Variants in PCDHGB1 observed in about 807,000 individuals in gnomAD.
The protein encoded by PCDHGB1 is protocadherin gamma subfamily B, 1.
In PCDHGB1, 34 loss-of-function variants were observed where a neutral mutation model predicts 56.6. The ratio of observed to expected loss-of-function variants is 0.60; its 90% CI spans 0.46 to 0.80. The LOEUF is 0.80. Among genes scored for constraint, PCDHGB1 ranks in the 30% least tolerant of loss-of-function variants. The pLI, the probability that PCDHGB1 is intolerant of heterozygous loss-of-function variation, is 0.00. For synonymous variants in PCDHGB1, 561 were observed against 505.9 expected (o/e 1.11, Z -1.46); for missense variants, 1,278 against 1,204.6 (o/e 1.06, Z -0.90).
intron 1 of PCDHGB1, among the ~76,000 whole-genome samples, chr5:141,453,850 CT>C (rs1465668273): frequency 1.3e-5 from 2 of 152,148 alleles, no homozygotes; most frequent in Non-Finnish European, 2.9e-5. Context: ...CCACAGAGCA[CT>C]TTGAAAATAA....
chr5:141,409,657 C>T (rs13184346), intron 1 of PCDHGB1: 1 of 1,613,620 alleles, frequency 6.2e-7, no homozygotes, highest in Non-Finnish European at 8.5e-7. Context: ...GGCTCAATGG[C>T]CACATCTCCT....
chr5:141,458,593 C>T (rs1352799952), intron 1 of PCDHGB1, among the ~76,000 whole-genome samples: 4 of 151,402 alleles, frequency 2.6e-5, no homozygotes, highest in Non-Finnish European at 5.9e-5. Flanking sequence ...GTTTTGGAGA[C>T]GAGTCTCACT....
chr5:141,441,923 C>A, intron 1 of PCDHGB1: 2 of 351,136 alleles, frequency 5.7e-6, no homozygotes, highest in Non-Finnish European at 5.5e-6. Context: ...AGACACAATG[C>A]GTGGCTGTCC....
At chr5:141,394,782 A>T (rs779984453) in intron 1 of PCDHGB1, 1 of 1,613,558 alleles carries the variant, frequency 6.2e-7, no homozygotes. Flanking sequence ...TCTCTCCGCC[A>T]CTGTCACGCT....
At position 141,361,783 on chromosome 5, in the gene PCDHGB1, G is replaced by C. The variant is rs375966726; in HGVS notation, c.2409+9114G>C. ...GCTCAGCGCCAACGTGAGCCTGCGC[G>C]TGTTAGTGGGCGACCTCAATGACAA... On this transcript the variant is annotated intron_variant, in intron 1 of 3. Transcript: ENST00000523390. 68 of 1,613,126 alleles carry C rather than the reference G, an allele frequency of 4.2e-5. No homozygotes were observed. In the African/African-American group the frequency reaches 5.5e-4, roughly 13 times the overall value.
chr5:141,497,986 G>T (rs1404550601), intron 2 of PCDHGB1, among the ~76,000 whole-genome samples: 1 of 152,176 alleles, frequency 6.6e-6, no homozygotes, highest in Non-Finnish European at 1.5e-5. Context: ...GGAGGCCCCT[G>T]CCCTCAAGGA....
intron 1 of PCDHGB1, among the ~76,000 whole-genome samples, chr5:141,449,413 C>G (rs2098637966): frequency 6.6e-6 from 1 of 151,656 alleles, no homozygotes; most frequent in African/African-American, 2.4e-5. Flanking sequence ...TCAAGACCAG[C>G]CTGGCCAACA....
Position 141,511,656 on chromosome 5 carries a change from C to T in PCDHGB1, c.*483C>T, listed in dbSNP as rs2099883892. On this transcript the variant is annotated 3_prime_UTR_variant, in exon 4 of 4. Transcript: ENST00000523390. ...GGGCATCATGACCTCTTGGCCTCTC[C>T]TTTGATTCTCAATCTTCCCCCAAAG... is the stretch of plus-strand genomic sequence containing the variant. 4.9e-6 allele frequency: 1 copy of T among 206,024 alleles called. No individual in the cohort carries two copies. The highest frequency in any genetic ancestry group is 5.2e-5 in the Admixed American group (1 of 19,114). 12.8% of individuals were successfully genotyped at this position (206,024 alleles called of 1,614,324 possible).
intron 1 of PCDHGB1, among the ~76,000 whole-genome samples, chr5:141,488,118 A>G (rs1054356891): frequency 2.7e-4 from 41 of 152,190 alleles, no homozygotes; most frequent in Non-Finnish European, 2.9e-5. Context: ...AAACATAGAG[A>G]CAGCAGAAAG....
intron 1 of PCDHGB1, chr5:141,362,667 T>C (rs545396981): frequency 5.4e-6 from 7 of 1,294,756 alleles, no homozygotes; most frequent in South Asian, 3.1e-5. Flanking sequence ...GCCAATGTTG[T>C]GCCTTAATTG....
At chr5:141,467,373 T>C (rs2099143070) in intron 1 of PCDHGB1, among the ~76,000 whole-genome samples, 1 of 152,064 alleles carries the variant, frequency 6.6e-6, no homozygotes, top group Non-Finnish European at 1.5e-5. Context: ...TTTCTTATAT[T>C]GCATTTAGGT....
chr5:141,399,894 C>G lies in PCDHGB1; in HGVS notation c.2409+47225C>G, dbSNP rs201911174. ...GCTACCTGGTGACCAAGGTAGTGGC[C>G]GTGGACGCAGACTCAGGACACAACG... On this transcript the variant is annotated intron_variant, in intron 1 of 3. Transcript: ENST00000523390. 9.2e-4 allele frequency: 1,477 copies of G among 1,612,556 alleles called. 21 individuals carry two copies. In the South Asian group the frequency reaches 0.015, roughly 17 times the overall value.
At chr5:141,498,971 G>GGGAGGGAAGGAAGGAAGGAAGGAA (rs2099787588) in intron 2 of PCDHGB1, among the ~76,000 whole-genome samples, 6 of 110,972 alleles carry the variant, frequency 5.4e-5, no homozygotes, top group Admixed American at 5.3e-4. Flanking sequence ...GAGGGAGGGA[G>GGGAGGGAAGGAAGGAAGGAAGGAA]GGAAGGAAGG....
At position 141,355,234 on chromosome 5, in the gene PCDHGB1, C is replaced by G. The variant is rs764381792; in HGVS notation, c.2409+2565C>G. 1 of 1,612,190 alleles carries G rather than the reference C, an allele frequency of 6.2e-7. No homozygotes were observed. The highest frequency in any genetic ancestry group is 8.5e-7 in the Non-Finnish European group (1 of 1,179,258). ...GCCTCCTGCTCGCCCAGACCACACC[C>G]GGCTGCTCCAGATCTGCCTTCTCCT... On this transcript the variant is annotated intron_variant, in intron 1 of 3. Coordinates refer to ENST00000523390, the MANE Select transcript of PCDHGB1 (RefSeq NM_018922.3).
chr5:141,413,812 C>G (rs761118146), intron 1 of PCDHGB1: 3 of 1,613,144 alleles, frequency 1.9e-6, no homozygotes, highest in Non-Finnish European at 1.7e-6. Context: ...GGCCATTCAC[C>G]ACCTGGTCCT....
Position 141,477,966 on chromosome 5 carries a change from G to A in PCDHGB1, c.2410-16841G>A, listed in dbSNP as rs2099426792. 6.2e-7 allele frequency: 1 copy of A among 1,614,118 alleles called. No individual in the cohort carries two copies. The highest frequency in any genetic ancestry group is 8.5e-7 in the Non-Finnish European group (1 of 1,180,036). ...AGTCTCTTGGGATCCCCTAACCAGAGCCTTTTTGCCATAGGGCTGCACACT... is the reference window on the plus strand; with the variant it reads ...AGTCTCTTGGGATCCCCTAACCAGAACCTTTTTGCCATAGGGCTGCACACT... On this transcript the variant is annotated intron_variant, in intron 1 of 3. Transcript: ENST00000523390. This position sits in a 1 kb window ranked among gnomAD's most constrained non-coding sequence, Gnocchi z 4.9.
At chr5:141,404,114 G>C (rs2094486353) in intron 1 of PCDHGB1, 4 of 1,613,348 alleles carry the variant, frequency 2.5e-6, no homozygotes, top group Non-Finnish European at 3.4e-6. Context: ...TTCTATCCAG[G>C]AGAATCTATC....
chr5:141,413,090 C>T, intron 1 of PCDHGB1: 1 of 1,391,312 alleles, frequency 7.2e-7, no homozygotes, highest in South Asian at 1.4e-5. Flanking sequence ...ACAGAGACAC[C>T]CTGAAGCCAC....
intron 1 of PCDHGB1, chr5:141,419,148 C>A: frequency 6.2e-7 from 1 of 1,613,940 alleles, no homozygotes; most frequent in Admixed American, 1.7e-5. Flanking sequence ...AGGGGCAAGC[C>A]TCCGTTATCC....
Sources: allele counts gnomAD v4.1 joint callset (sites outside exome capture counted in the v4.1 genomes callset), GRCh38; gene constraint gnomAD v4.1.1; non-coding constraint Gnocchi (gnomAD v3.1); transcripts MANE v1.5; gene names NCBI Gene and HGNC (gene_info 2026-07-23, HGNC 2026-07-21).